The following PPP2R2B variants were observed in gnomAD, a reference collection of about 807,000 sequenced individuals.
PPP2R2B encodes protein phosphatase 2 regulatory subunit Bbeta, also known as serine/threonine-protein phosphatase 2A 55 kDa regulatory subunit B beta isoform.
Under a neutral mutation model 46.0 loss-of-function variants are expected in PPP2R2B, and 5 were observed. The ratio of observed to expected loss-of-function variants is 0.11; its 90% CI spans 0.06 to 0.23. PPP2R2B has a LOEUF of 0.23. Among genes scored for constraint, PPP2R2B ranks in the 10% least tolerant of loss-of-function variants. The pLI is 1.00. For missense variants in PPP2R2B, 367 were observed against 575.0 expected (o/e 0.64, Z 3.70); for synonymous variants, 215 against 206.7 (o/e 1.04, Z -0.34).
chr5:146,845,561 A>T (rs1706334304), intron 2 of PPP2R2B, among the ~76,000 whole-genome samples: 1 of 151,310 alleles, frequency 6.6e-6, no homozygotes, highest in Admixed American at 6.6e-5. Flanking sequence ...CCAATTTATG[A>T]CTATTTCATT....
At chr5:146,975,682 C>T (rs1163812940) in intron 1 of PPP2R2B, among the ~76,000 whole-genome samples, 1 of 152,182 alleles carries the variant, frequency 6.6e-6, no homozygotes, top group Non-Finnish European at 1.5e-5. Flanking sequence ...GACAGCCATC[C>T]TAATGGGTGT....
chr5:146,788,875 C>T (rs543762033), intron 2 of PPP2R2B, among the ~76,000 whole-genome samples: 1 of 152,328 alleles, frequency 6.6e-6, no homozygotes, highest in South Asian at 2.1e-4. Flanking sequence ...TCATTCATCC[C>T]TCTCAGTTTC....
At chr5:146,917,123 A>G (rs1763416690) in intron 1 of PPP2R2B, among the ~76,000 whole-genome samples, 1 of 152,226 alleles carries the variant, frequency 6.6e-6, no homozygotes, top group Non-Finnish European at 1.5e-5. Context: ...GGCAGAAAAG[A>G]TGAACAATCT....
chr5:146,710,225 C>T (rs1780142082), intron 2 of PPP2R2B, among the ~76,000 whole-genome samples: 1 of 152,116 alleles, frequency 6.6e-6, no homozygotes, highest in Non-Finnish European at 1.5e-5. Context: ...CTAGCCACAC[C>T]CTCTTTAGGA....
intron 2 of PPP2R2B, among the ~76,000 whole-genome samples, chr5:146,877,379 C>T (rs1411346863): frequency 6.6e-6 from 1 of 152,190 alleles, no homozygotes; most frequent in Non-Finnish European, 1.5e-5. Context: ...AAAGGCCCCA[C>T]CGATCGCGTT....
chr5:146,947,597 C>G (rs1003344599), intron 1 of PPP2R2B, among the ~76,000 whole-genome samples: 21 of 152,052 alleles, frequency 1.4e-4, no homozygotes, highest in African/African-American at 5.1e-4. Context: ...CCTAACTAAA[C>G]ATATGGTTTA....
intron 9 of PPP2R2B, chr5:146,592,151 A>C: frequency 2.2e-6 from 1 of 447,176 alleles, no homozygotes; most frequent in South Asian, 1.6e-5. Flanking sequence ...CCAACTGGTC[A>C]GTGTGACTTG....
At chr5:147,067,605 G>C (rs1264090219) in intron 2 of PPP2R2B, among the ~76,000 whole-genome samples, 1 of 152,122 alleles carries the variant, frequency 6.6e-6, no homozygotes, top group African/African-American at 2.4e-5. Flanking sequence ...ACATTAAGTG[G>C]TAAAGTGGAA....
chr5:146,812,791 G>GTATATA lies in PPP2R2B; in HGVS notation c.70+65210_70+65211insTATATA, dbSNP rs1239921320. Among the ~76,000 whole-genome samples the GTATATA allele has an allele frequency of 2.2e-3, 22 of 9,938 alleles. 2 individuals carry two copies. Among genetic ancestry groups the GTATATA allele is most frequent in the African/African-American group, 6.0e-3 (16 of 2,650 alleles). 6.5% of individuals were successfully genotyped at this position (9,938 alleles called of 152,430 possible). On this transcript the variant is annotated intron_variant, in intron 2 of 9. Transcript: ENST00000394411. Reference sequence around the variant, plus strand: ...TTAATGTGTGTGTGTGTGTATATGTGTGTATATATATATATATATATATAT... The same window carrying GTATATA: ...TTAATGTGTGTGTGTGTGTATATGTGTATATATGTATATATATATATATATATATAT...
intron 2 of PPP2R2B, among the ~76,000 whole-genome samples, chr5:146,715,182 C>T (rs915819897): frequency 4.6e-5 from 7 of 152,126 alleles, no homozygotes; most frequent in Admixed American, 4.6e-4. Context: ...ATGGCCAGAC[C>T]CAGGTGATGG....
At chr5:146,720,384 C>T (rs925225435) in intron 2 of PPP2R2B, among the ~76,000 whole-genome samples, 19 of 152,198 alleles carry the variant, frequency 1.2e-4, no homozygotes, top group African/African-American at 4.3e-4. Context: ...ACTATTCACT[C>T]ACCCTGAATC....
chr5:146,826,773 C>T (rs1758604271), intron 2 of PPP2R2B, among the ~76,000 whole-genome samples: 1 of 152,124 alleles, frequency 6.6e-6, no homozygotes, highest in Non-Finnish European at 1.5e-5. Flanking sequence ...ATTCCCCTCC[C>T]TCCAAGAACA....
At chr5:146,839,506 G>A (rs1171752353) in intron 2 of PPP2R2B, among the ~76,000 whole-genome samples, 1 of 152,144 alleles carries the variant, frequency 6.6e-6, no homozygotes, top group Non-Finnish European at 1.5e-5. Flanking sequence ...GGTGATGAGC[G>A]AAATCCCATC....
At chr5:146,648,280 C>T (rs529511175) in intron 6 of PPP2R2B, among the ~76,000 whole-genome samples, 6 of 152,094 alleles carry the variant, frequency 3.9e-5, no homozygotes, top group Middle Eastern at 3.2e-3. Flanking sequence ...GAAAGAGGCC[C>T]GAGTTTCTGA....
At chr5:146,892,471 G>C (rs545667661) in intron 1 of PPP2R2B, among the ~76,000 whole-genome samples, 62 of 152,242 alleles carry the variant, frequency 4.1e-4, no homozygotes, top group Non-Finnish European at 8.1e-4. Flanking sequence ...ACATGCACGT[G>C]AGCACCTCTC....
intron 1 of PPP2R2B, among the ~76,000 whole-genome samples, chr5:147,005,600 G>A (rs1754399861): frequency 6.6e-6 from 1 of 152,144 alleles, no homozygotes; most frequent in African/African-American, 2.4e-5. Flanking sequence ...AAAGGGGAAG[G>A]AGAGGGGAGA....
chr5:146,921,722 ATC>A lies in PPP2R2B; in HGVS notation c.79+133941_79+133942del, dbSNP rs368387966. ...CATCTCTGCTTCTCTGTATCAGTTC[ATC>A]TCTGTTTCTCTTCTGACACTCATTA... On this transcript the variant is annotated intron_variant, in intron 1 of 8. Transcript: ENST00000336640. Among the ~76,000 whole-genome samples, 463 of 152,182 alleles carry A rather than the reference ATC, an allele frequency of 3.0e-3. 2 individuals carry two copies. The highest frequency in any genetic ancestry group is 0.011 in the African/African-American group (455 of 41,530).
chr5:147,050,717 C>G (rs764854017), intron 1 of PPP2R2B, among the ~76,000 whole-genome samples: 1 of 151,944 alleles, frequency 6.6e-6, no homozygotes, highest in African/African-American at 2.4e-5. Flanking sequence ...GATATACACA[C>G]GGTGAAATTG....
chr5:146,929,646 A>T lies in PPP2R2B; in HGVS notation c.79+126019T>A, dbSNP rs529797995. 5.9e-5 allele frequency among the ~76,000 whole-genome samples: 9 copies of T among 152,304 alleles called. 1 individual carries two copies. In the South Asian group the frequency reaches 1.9e-3, roughly 32 times the overall value. ...AGTCCTACAGGAAAAAAATGGGCTT[A>T]ATTTTATTATTTAAAAAAAGAATTC... On this transcript the variant is annotated intron_variant, in intron 1 of 8. Coordinates refer to the PPP2R2B transcript ENST00000336640.
Sources: allele counts gnomAD v4.1 joint callset (sites outside exome capture counted in the v4.1 genomes callset), GRCh38; gene constraint gnomAD v4.1.1; transcripts MANE v1.5; gene names NCBI Gene and HGNC (gene_info 2026-07-23, HGNC 2026-07-21).